Variants in WASHC5 observed in about 807,000 individuals in gnomAD.
WASHC5 encodes the protein WASH complex subunit strumpellin.
WASHC5 carries 101 observed loss-of-function variants against 150.4 expected under a neutral mutation model. The observed-to-expected ratio is 0.67, with a 90% CI of 0.57 to 0.79. The LOEUF (loss-of-function observed/expected upper bound fraction) is 0.79, where lower values mean the gene tolerates loss of function less well. WASHC5 is among the 30% of genes least tolerant of loss of function. The pLI, the probability that WASHC5 is intolerant of heterozygous loss-of-function variation, is 0.00. For missense variants in WASHC5, 1,195 were observed against 1,396.3 expected (o/e 0.86, Z 2.30); for synonymous variants, 467 against 491.2 (o/e 0.95, Z 0.65).
intron 17 of WASHC5, among the ~76,000 whole-genome samples, chr8:125,053,696 T>C (rs1258772244): frequency 1.3e-5 from 2 of 152,200 alleles, no homozygotes; most frequent in African/African-American, 4.8e-5. Context: ...TTTTCTTTGA[T>C]TTTAATAATG....
At position 125,083,788 on chromosome 8, in the gene WASHC5, A is replaced by G. The variant is rs747893513; in HGVS notation, c.111T>C (p.Pro37=). ...AELLRLSEFI[P]AVFRLKDRAD... The stretch of plus-strand genomic sequence containing the variant: ...CTCTGTCTTTTAACCTGAACACAGC[A>G]GGAATAAACTCAGAGAGTCTCAAAA... The change falls in exon 2 of 29, where the codon CCT becomes CCC. Residue 37 remains proline (P), a synonymous_variant. Coordinates refer to ENST00000318410, the MANE Select transcript of WASHC5 (RefSeq NM_014846.4). 21 of 1,613,842 alleles carry G rather than the reference A, an allele frequency of 1.3e-5. No homozygotes were observed. The highest frequency in any genetic ancestry group is 1.8e-5 in the Non-Finnish European group (21 of 1,179,740).
intron 18 of WASHC5, among the ~76,000 whole-genome samples, chr8:125,049,623 G>A (rs1816179754): frequency 6.6e-6 from 1 of 151,768 alleles, no homozygotes; most frequent in African/African-American, 2.4e-5. Context: ...GAGATGGGTG[G>A]ATCACTTGAG....
At chr8:125,058,875 A>G (rs12542195) in intron 14 of WASHC5, among the ~76,000 whole-genome samples, 31,326 of 151,948 alleles carry the variant, frequency 0.21, 3,537 homozygotes, top group Middle Eastern at 0.36. Context: ...GAGGCTCAGT[A>G]ATTTTTTGAA....
intron 18 of WASHC5, 71 bp from the exon 19 acceptor site, chr8:125,049,256 T>A: frequency 1.3e-6 from 2 of 1,526,908 alleles, no homozygotes; most frequent in Non-Finnish European, 1.8e-6. Context: ...AATATCTAAC[T>A]AGACTTTAAA....
At chr8:125,065,775 C>T (rs529407418) in intron 10 of WASHC5, among the ~76,000 whole-genome samples, 1 of 152,150 alleles carries the variant, frequency 6.6e-6, no homozygotes, top group Non-Finnish European at 1.5e-5. Context: ...CGCCACTGCA[C>T]CCAGCTAATT....
chr8:125,065,539 T>C (rs1348608191), intron 10 of WASHC5, among the ~76,000 whole-genome samples: 2 of 152,018 alleles, frequency 1.3e-5, no homozygotes, highest in African/African-American at 4.8e-5. Context: ...AATGCTGAAC[T>C]ACATATTATC....
intron 25 of WASHC5, among the ~76,000 whole-genome samples, chr8:125,038,077 A>C (rs1405706390): frequency 6.6e-6 from 1 of 152,172 alleles, no homozygotes; most frequent in Non-Finnish European, 1.5e-5. Flanking sequence ...AGATGAAGTG[A>C]GATAATCCAC....
chr8:125,089,335 GGAA>G lies in WASHC5; in HGVS notation c.-125+2277_-125+2279del, dbSNP rs538069114. Among the ~76,000 whole-genome samples, 830 of 152,174 alleles carry G rather than the reference GGAA, an allele frequency of 5.5e-3. 5 individuals carry two copies. The highest frequency in any genetic ancestry group is 0.019 in the African/African-American group (787 of 41,486). ...TCTTTTGGCTTCCCTGGGCAATATTGGAAGAAGAATTGTCTTGAGCCACACATA... is the reference window on the plus strand; with the variant it reads ...TCTTTTGGCTTCCCTGGGCAATATTGGAAGAATTGTCTTGAGCCACACATA... On this transcript the variant is annotated intron_variant, in intron 1 of 28. Transcript: ENST00000318410.
chr8:125,032,224 T>C lies in WASHC5; in HGVS notation c.3335+17A>G. The C allele has an allele frequency of 6.2e-7, 1 of 1,613,978 alleles. No individual in the cohort carries two copies. Among genetic ancestry groups the C allele is most frequent in the Non-Finnish European group, 8.5e-7 (1 of 1,179,840 alleles). ...TGTGACAAGAAGTCCCACGTAGTCCTGGTTGGTCTTCTGTACCTTGTACAC... is the reference window on the plus strand; with the variant it reads ...TGTGACAAGAAGTCCCACGTAGTCCCGGTTGGTCTTCTGTACCTTGTACAC... On this transcript the variant is annotated intron_variant, in intron 27 of 28. Transcript: ENST00000318410.
intron 17 of WASHC5, among the ~76,000 whole-genome samples, chr8:125,051,876 C>T (rs1202554674): frequency 6.6e-6 from 1 of 152,052 alleles, no homozygotes; most frequent in African/African-American, 2.4e-5. Flanking sequence ...GAGTGAAACT[C>T]TGTCTCAAAA....
intron 28 of WASHC5, among the ~76,000 whole-genome samples, chr8:125,025,527 A>C (rs551716899): frequency 6.4e-4 from 98 of 152,190 alleles, no homozygotes; most frequent in African/African-American, 2.2e-3. Context: ...ATCTCTACTG[A>C]AAATAAAAAA....
chr8:125,078,462 T>C (rs542672098), intron 6 of WASHC5, among the ~76,000 whole-genome samples: 96 of 152,358 alleles, frequency 6.3e-4, no homozygotes, highest in African/African-American at 2.1e-3. Flanking sequence ...AATGGGCACG[T>C]ATCACATACT....
At position 125,024,345 on chromosome 8, in the gene WASHC5, TAA is replaced by T. The variant is rs2129929874; in HGVS notation, c.*270_*271del. The T allele has an allele frequency of 2.0e-6, 1 of 511,474 alleles. No individual in the cohort carries two copies. Among genetic ancestry groups the T allele is most frequent in the East Asian group, 3.6e-5 (1 of 27,736 alleles). The allele number at this position is 511,474 out of a possible 1,614,324, so 31.7% of individuals were successfully genotyped here. A position where few individuals can be genotyped will look rare whatever the true frequency, so the allele number is the denominator to read the frequency against. On this transcript the variant is annotated 3_prime_UTR_variant, in exon 29 of 29. Transcript: ENST00000318410. ...ACATAAAACTAAATGGATTTATACA[TAA>T]CAGTTACATTCAGCATTTAAGAGAG...
chr8:125,029,253 G>C (rs1815460207), intron 27 of WASHC5, among the ~76,000 whole-genome samples: 1 of 152,142 alleles, frequency 6.6e-6, no homozygotes, highest in Admixed American at 6.5e-5. Flanking sequence ...GGCTGGTCTT[G>C]AACTCCTGAC....
rs754481455 is a variant in WASHC5, at chr8:125,050,631, C to T, written c.2132G>A (p.Arg711Lys). Residue 711 changes from arginine to lysine, a missense_variant, in exon 18 of 29, where the codon AGG becomes AAG. Physicochemically the swap from Arg to Lys is conservative, Grantham distance 26. Coordinates refer to ENST00000318410, the MANE Select transcript of WASHC5 (RefSeq NM_014846.4). ...GGCAACGCGCTTCACAAGCTCTTTC[C>T]TTATTCCATCTTCCAGCAACTGCTT... ...DPKQLLEDGI[R>K]KELVKRVAFA... 1 of 1,614,150 alleles carries T rather than the reference C, an allele frequency of 6.2e-7. No individual in the cohort carries two copies. The highest frequency in any genetic ancestry group is 1.1e-5 in the South Asian group (1 of 91,084).
chr8:125,073,508 G>C (rs970947654), intron 8 of WASHC5, among the ~76,000 whole-genome samples, 184 bp from the exon 9 acceptor site: 2 of 152,084 alleles, frequency 1.3e-5, no homozygotes, highest in Non-Finnish European at 2.9e-5. Flanking sequence ...TACAGTTATA[G>C]GGCTCAAACT....
rs1816379644 is a variant in WASHC5, at chr8:125,055,532, A to C, written c.2097+59T>G. 18 of 1,026,178 alleles carry C rather than the reference A, an allele frequency of 1.8e-5. No homozygotes were observed. The South Asian group carries it at 2.3e-4, about 13-fold the overall frequency. The allele number at this position is 1,026,178 out of a possible 1,614,324, so 63.6% of individuals were successfully genotyped here. ...CTTTTGCACACATGATAATTACCAC[A>C]AAAACCCAAACAGCTAAGAGTCATG... On this transcript the variant is annotated intron_variant, in intron 17 of 28. Coordinates refer to ENST00000318410, the MANE Select transcript of WASHC5 (RefSeq NM_014846.4).
chr8:125,060,721 T>C (rs1179111295), intron 12 of WASHC5, among the ~76,000 whole-genome samples: 2 of 152,150 alleles, frequency 1.3e-5, no homozygotes, highest in African/African-American at 2.4e-5. Context: ...TTCTGGTTTT[T>C]TCCCCCAAGG....
chr8:125,073,101 C>G, intron 9 of WASHC5, 52 bp downstream of exon 9: 1 of 1,575,272 alleles, frequency 6.3e-7, no homozygotes, highest in Admixed American at 1.7e-5. Context: ...GGTCCTGATT[C>G]TGAGAGTCTT....
Sources: allele counts gnomAD v4.1 joint callset (sites outside exome capture counted in the v4.1 genomes callset), GRCh38; gene constraint gnomAD v4.1.1; transcripts MANE v1.5; gene names NCBI Gene and HGNC (gene_info 2026-07-23, HGNC 2026-07-21).